Variants in NKX6-2 observed in about 807,000 individuals in gnomAD.
NKX6-2 encodes homeobox protein Nkx-6.2.
A neutral mutation model predicts 19.9 loss-of-function variants in NKX6-2; 22 were observed. That is an observed-to-expected ratio of 1.10 (90% CI 0.79 to 1.58). NKX6-2 has a LOEUF of 1.58. Ranked by LOEUF, NKX6-2 falls within the 40% of genes most tolerant of loss-of-function variation. The probability of loss-of-function intolerance (pLI) is 0.00; values close to 1 mark genes in which losing one functional copy is unlikely to be tolerated. For synonymous variants in NKX6-2, 257 were observed against 204.0 expected, an observed-to-expected ratio of 1.26 and a Z score of -2.21; for missense variants, 475 against 410.6, an observed-to-expected ratio of 1.16 and a Z score of -1.35.
chr10:132,785,111 C>G lies in NKX6-2; in HGVS notation c.639G>C (p.Ser213=). The change falls in exon 3 of 3, where the codon TCG becomes TCC. Residue 213 remains serine (S), a synonymous_variant. Transcript: ENST00000368592. The surrounding 1 kb of genome is among the most constrained non-coding windows in gnomAD (Gnocchi z 5.5). ...CGTCCGAGTCCTGCTTCTTCTTGGC[C>G]GACGCCATCTCCACCGCGTGCCGCT... The part of the protein sequence containing the change: ...WRKRHAVEMA[S]AKKKQDSDAE... 6.2e-7 allele frequency: 1 copy of G among 1,611,920 alleles called. No individual in the cohort carries two copies. Among genetic ancestry groups the G allele is most frequent in the Non-Finnish European group, 8.5e-7 (1 of 1,179,280 alleles).
rs888062238 is a variant in NKX6-2, at chr10:132,784,952, GA to G, written c.797del (p.Val266AlafsTer41). On this transcript the variant is annotated frameshift_variant, in exon 3 of 3. Coordinates refer to ENST00000368592, the MANE Select transcript of NKX6-2 (RefSeq NM_177400.3). LOFTEE classifies it high-confidence loss of function. ...CCCCCGCGCCGCCGCCGCACGGGCT[GA>G]CCAGCGCCAAGTTCGAGGGTTTGTG... ...KKHKPSNLAL[V>X]SPCGGGAGDA... The G allele has an allele frequency of 6.2e-7, 1 of 1,612,526 alleles. No homozygotes were observed. Among genetic ancestry groups the G allele is most frequent in the African/African-American group, 1.3e-5 (1 of 74,932 alleles).
Position 132,785,048 on chromosome 10 carries a change from G to A in NKX6-2, c.702C>T (p.Asp234=), listed in dbSNP as rs764780626. 7 of 1,608,704 alleles carry A rather than the reference G, an allele frequency of 4.4e-6. No individual in the cohort carries two copies. The East Asian group carries it at 6.7e-5, about 15-fold the overall frequency. Residue 234 remains aspartate, a synonymous_variant, in exon 3 of 3, where the codon GAC becomes GAT. Coordinates refer to ENST00000368592, the MANE Select transcript of NKX6-2 (RefSeq NM_177400.3). The surrounding 1 kb of genome is among the most constrained non-coding windows in gnomAD (Gnocchi z 5.5). Reference sequence around the variant, plus strand: ...CCAGGGGCCGGTTGTATTCGTCGTCGTCCTCCGCGTCCGAGCCGCCCACCT... The same window carrying A: ...CCAGGGGCCGGTTGTATTCGTCGTCATCCTCCGCGTCCGAGCCGCCCACCT... The part of the protein sequence containing the change: ...KLKVGGSDAE[D]DDEYNRPLDP...
chr10:132,783,927 T>C lies in NKX6-2; in HGVS notation c.*989A>G, dbSNP rs1847212958. On this transcript the variant is annotated 3_prime_UTR_variant, in exon 3 of 3. Transcript: ENST00000368592. ...GCCAAGAGAAATCGTACCACCGCAG[T>C]GATATCATTATTTACATTTAATTTT... 6.6e-6 allele frequency: 1 copy of C among 152,246 alleles called. No homozygotes were observed. 9.4% of individuals were successfully genotyped at this position (152,246 alleles called of 1,614,324 possible).
chr10:132,785,941 G>C lies in NKX6-2; in HGVS notation c.8C>G (p.Thr3Ser). 1 of 1,156,594 alleles carries C rather than the reference G, an allele frequency of 8.6e-7. No individual in the cohort carries two copies. Among genetic ancestry groups the C allele is most frequent in the Non-Finnish European group, 1.1e-6 (1 of 894,236 alleles). The allele number at this position is 1,156,594 out of a possible 1,614,324, so 71.6% of individuals were successfully genotyped here. A position where few individuals can be genotyped will look rare whatever the true frequency, so the allele number is the denominator to read the frequency against. ...CAGCACGAACGCGCCCGGGCGGTTA[G>C]TGTCCATGGGCGCCGCCGCCGCCGG... MD[T>S]NRPGAFVLSS... is the part of the protein sequence containing the mutation. Residue 3 changes from threonine to serine, a missense_variant, in exon 1 of 3, where the codon ACT becomes AGT. Physicochemically the swap from Thr to Ser is moderately conservative, Grantham distance 58. Transcript: ENST00000368592. This position sits in a 1 kb window ranked among gnomAD's most constrained non-coding sequence, Gnocchi z 5.5.
rs1319908753 is a variant in NKX6-2 at position 132,785,314 on chromosome 10, G to A, written c.545C>T (p.Ala182Val). 2 of 1,606,208 alleles carry A rather than the reference G, an allele frequency of 1.2e-6. No homozygotes were observed. Among genetic ancestry groups the A allele is most frequent in the Non-Finnish European group, 1.7e-6 (2 of 1,177,588 alleles). ...GCTCTCGGTCATGCCCAGCGAGTAGGCGAGACGCGCGCGCTCCGGGCCCGC... is the reference window on the plus strand; with the variant it reads ...GCTCTCGGTCATGCCCAGCGAGTAGACGAGACGCGCGCGCTCCGGGCCCGC... ...YLAGPERARL[A>V]YSLGMTESQV... Residue 182 changes from alanine (A) to valine (V), a missense_variant, in exon 2 of 3, where the codon GCC (alanine) becomes GTC (valine). By Grantham distance (64) the Ala-to-Val change is moderately conservative. Coordinates refer to ENST00000368592, the MANE Select transcript of NKX6-2 (RefSeq NM_177400.3). This position sits in a 1 kb window ranked among gnomAD's most constrained non-coding sequence, Gnocchi z 5.5.
At position 132,784,883 on chromosome 10, in the gene NKX6-2, G is replaced by GA; in HGVS notation, c.*32_*33insT. 1.3e-6 allele frequency: 2 copies of GA among 1,587,876 alleles called. No homozygotes were observed. Among genetic ancestry groups the GA allele is most frequent in the Non-Finnish European group, 1.7e-6 (2 of 1,161,296 alleles). ...CCACCCGGGGCCGCCCCCGGATTCT[G>GA]CAAAAATAGATTCGCCCCCACCCCG... On this transcript the variant is annotated 3_prime_UTR_variant, in exon 3 of 3. Coordinates refer to ENST00000368592, the MANE Select transcript of NKX6-2 (RefSeq NM_177400.3).
Position 132,785,382 on chromosome 10 carries a change from C to T in NKX6-2, c.477G>A (p.Gln159=), listed in dbSNP as rs375223053. ...KHSRPTFSGQ[Q]IFALEKTFEQ... ...CGAAGGTTTTCTCCAGCGCGAAGAT[C>T]TGCTGGCCCGAGAAGGTCGGGCGCG... Residue 159 remains glutamine (Q), a synonymous_variant, in exon 2 of 3, where the codon CAG becomes CAA. Transcript: ENST00000368592. The surrounding 1 kb of genome is among the most constrained non-coding windows in gnomAD (Gnocchi z 5.5). 1 of 1,604,876 alleles carries T rather than the reference C, an allele frequency of 6.2e-7. No individual in the cohort carries two copies. The highest frequency in any genetic ancestry group is 1.4e-5 in the African/African-American group (1 of 73,312).
In NKX6-2 at chr10:132,785,107, T is replaced by C; in HGVS notation, c.643A>G (p.Lys215Glu). The C allele has an allele frequency of 1.9e-6, 3 of 1,611,996 alleles. No homozygotes were observed. Among genetic ancestry groups the C allele is most frequent in the Admixed American group, 1.7e-5 (1 of 60,008 alleles). ...TCGGCGTCCGAGTCCTGCTTCTTCT[T>C]GGCCGACGCCATCTCCACCGCGTGC... is the stretch of plus-strand genomic sequence containing the variant. Reference protein sequence around the residue: ...KRHAVEMASAKKKQDSDAEKL... With the variant: ...KRHAVEMASAEKKQDSDAEKL... Residue 215 changes from lysine to glutamate, a missense_variant, in exon 3 of 3, where the codon AAG becomes GAG. Coordinates refer to ENST00000368592, the MANE Select transcript of NKX6-2 (RefSeq NM_177400.3). This position sits in a 1 kb window ranked among gnomAD's most constrained non-coding sequence, Gnocchi z 5.5.
chr10:132,785,558 G>T lies in NKX6-2; in HGVS notation c.391C>A (p.Arg131Ser). The change falls in exon 1 of 3, where the codon CGT becomes AGT. Residue 131 changes from arginine (R) to serine (S), a missense_variant. Coordinates refer to ENST00000368592, the MANE Select transcript of NKX6-2 (RefSeq NM_177400.3). This position sits in a 1 kb window ranked among gnomAD's most constrained non-coding sequence, Gnocchi z 5.5. ...VVQGAPWRDP[R>S]LAGPAPAGGV... is the part of the protein sequence containing the mutation. ...GGCCACTCACCCGGGCCAGCCAGAC[G>T]CGGGTCCCTCCAGGGCGCGCCCTGC... 7.4e-7 allele frequency: 1 copy of T among 1,356,884 alleles called. No individual in the cohort carries two copies. The highest frequency in any genetic ancestry group is 2.8e-4 in the Middle Eastern group (1 of 3,624). 84.1% of individuals were successfully genotyped at this position (1,356,884 alleles called of 1,614,324 possible). A position where few individuals can be genotyped will look rare whatever the true frequency, so the allele number is the denominator to read the frequency against.
In NKX6-2 at chr10:132,785,799, C is replaced by T. The variant is rs778783634; in HGVS notation, c.150G>A (p.Ala50=). 58 of 1,352,912 alleles carry T rather than the reference C, an allele frequency of 4.3e-5. 2 individuals are homozygous for T. The South Asian group carries it at 1.0e-3, about 24-fold the overall frequency. The allele number at this position is 1,352,912 out of a possible 1,614,324, so 83.8% of individuals were successfully genotyped here. The change falls in exon 1 of 3, where the codon GCG becomes GCA. Residue 50 remains alanine (A), a synonymous_variant. Coordinates refer to ENST00000368592, the MANE Select transcript of NKX6-2 (RefSeq NM_177400.3). The surrounding 1 kb of genome is among the most constrained non-coding windows in gnomAD (Gnocchi z 5.5). ...CGTGCGGGGTCCCGAGCGGGAGCTGCGCGCCCAGGCCCCCCAGCGCGGGCG... is the reference window on the plus strand; with the variant it reads ...CGTGCGGGGTCCCGAGCGGGAGCTGTGCGCCCAGGCCCCCCAGCGCGGGCG... ...FKAPALGGLG[A]QLPLGTPHGI...
In NKX6-2 at chr10:132,786,127, G is replaced by C. The variant is rs1265161809; in HGVS notation, c.-179C>G. Reference sequence around the variant, plus strand: ...CGGGCGGGCGGGCGGCGGCGGCGGCGGCTCCGGGGCCGGTCGGAGCGGCGC... The same window carrying C: ...CGGGCGGGCGGGCGGCGGCGGCGGCCGCTCCGGGGCCGGTCGGAGCGGCGC... On this transcript the variant is annotated 5_prime_UTR_variant, in exon 1 of 3. Transcript: ENST00000368592. 1.4e-5 allele frequency: 2 copies of C among 145,420 alleles called. No homozygotes were observed. The highest frequency in any genetic ancestry group is 3.1e-5 in the Non-Finnish European group (2 of 65,536). The allele number at this position is 145,420 out of a possible 1,614,324, so 9.0% of individuals were successfully genotyped here. A position where few individuals can be genotyped will look rare whatever the true frequency, so the allele number is the denominator to read the frequency against.
In NKX6-2 at chr10:132,785,436, G is replaced by T. The variant is rs777423037; in HGVS notation, c.423C>A (p.Val141=). The T allele has an allele frequency of 1.3e-6, 2 of 1,587,784 alleles. No homozygotes were observed. Among genetic ancestry groups the T allele is most frequent in the South Asian group, 2.3e-5 (2 of 88,044 alleles). Residue 141 remains valine, a synonymous_variant, in exon 2 of 3, where the codon GTC becomes GTA. Coordinates refer to ENST00000368592, the MANE Select transcript of NKX6-2 (RefSeq NM_177400.3). The surrounding 1 kb of genome is among the most constrained non-coding windows in gnomAD (Gnocchi z 5.5). ...RLAGPAPAGG[V]LDKDGKKKHS... ...GCTTCTTCTTCCCGTCCTTGTCCAG[G>T]ACGCCGCCGGCCGGGGCTGCAAGGG... is the stretch of plus-strand genomic sequence containing the variant.
In NKX6-2 at chr10:132,784,792, C is replaced by G; in HGVS notation, c.*124G>C. ...AGACGGAAGAAACACGCGGCGCAGG[C>G]TCCGGAGCGACGGCTCCGACGGGGA... On this transcript the variant is annotated 3_prime_UTR_variant, in exon 3 of 3. Coordinates refer to ENST00000368592, the MANE Select transcript of NKX6-2 (RefSeq NM_177400.3). 1 of 749,504 alleles carries G rather than the reference C, an allele frequency of 1.3e-6. No homozygotes were observed. The highest frequency in any genetic ancestry group is 2.1e-6 in the Non-Finnish European group (1 of 466,242). The allele number at this position is 749,504 out of a possible 1,614,324, so 46.4% of individuals were successfully genotyped here.
rs1403692211 is a variant in NKX6-2, at chr10:132,784,642, T to G, written c.*274A>C. Reference sequence around the variant, plus strand: ...CTTCCCGCGGGCCGGGCCCCTTCCCTGCGCCTTCGCCGCCTCCTCGCGCCT... The same window carrying G: ...CTTCCCGCGGGCCGGGCCCCTTCCCGGCGCCTTCGCCGCCTCCTCGCGCCT... On this transcript the variant is annotated 3_prime_UTR_variant, in exon 3 of 3. Transcript: ENST00000368592. 2.4e-6 allele frequency: 1 copy of G among 423,280 alleles called. No individual in the cohort carries two copies. Among genetic ancestry groups the G allele is most frequent in the Non-Finnish European group, 4.1e-6 (1 of 241,590 alleles). 26.2% of individuals were successfully genotyped at this position (423,280 alleles called of 1,614,324 possible). A position where few individuals can be genotyped will look rare whatever the true frequency, so the allele number is the denominator to read the frequency against.
Position 132,785,713 on chromosome 10 carries a change from AG to A in NKX6-2, c.235del (p.Leu79CysfsTer109), listed in dbSNP as rs1847256223. On this transcript the variant is annotated frameshift_variant, in exon 1 of 3. Coordinates refer to ENST00000368592, the MANE Select transcript of NKX6-2 (RefSeq NM_177400.3). LOFTEE classifies it high-confidence loss of function. This position sits in a 1 kb window ranked among gnomAD's most constrained non-coding sequence, Gnocchi z 5.5. ...CGACGCGAGCCCGTTGAGCCGGGGC[AG>A]CCCCCCCAGGAGGCCCCCGCCCGCC... ...GAAGGGLLGG[L>X]PRLNGLASSA... 1 of 1,238,420 alleles carries A rather than the reference AG, an allele frequency of 8.1e-7. No individual in the cohort carries two copies. Among genetic ancestry groups the A allele is most frequent in the Admixed American group, 4.3e-5 (1 of 23,040 alleles). 76.7% of individuals were successfully genotyped at this position (1,238,420 alleles called of 1,614,324 possible). A position where few individuals can be genotyped will look rare whatever the true frequency, so the allele number is the denominator to read the frequency against.
rs1321092352 is a variant in NKX6-2 at position 132,784,566 on chromosome 10, TGCTCCGTCCCCG to T, written c.*338_*349del. ...GCGAGGCGGGCCGGGCCGTACCTGC[TGCTCCGTCCCCG>T]GCTCCGTCCCGGGCTCCTGGCGGCT... is the stretch of plus-strand genomic sequence containing the variant. On this transcript the variant is annotated 3_prime_UTR_variant, in exon 3 of 3. Coordinates refer to ENST00000368592, the MANE Select transcript of NKX6-2 (RefSeq NM_177400.3). The T allele has an allele frequency of 6.0e-5, 14 of 233,892 alleles. No homozygotes were observed. Among genetic ancestry groups the T allele is most frequent in the East Asian group, 2.1e-4 (2 of 9,356 alleles). 14.5% of individuals were successfully genotyped at this position (233,892 alleles called of 1,614,324 possible).
chr10:132,785,305 A>G lies in NKX6-2; in HGVS notation c.554T>C (p.Leu185Pro). 6.2e-7 allele frequency: 1 copy of G among 1,606,228 alleles called. No individual in the cohort carries two copies. Among genetic ancestry groups the G allele is most frequent in the Non-Finnish European group, 8.5e-7 (1 of 1,177,572 alleles). ...CTTCACCTGGCTCTCGGTCATGCCC[A>G]GCGAGTAGGCGAGACGCGCGCGCTC... ...GPERARLAYS[L>P]GMTESQVKVW... The change falls in exon 2 of 3, where the codon CTG becomes CCG. Residue 185 changes from leucine to proline, a missense_variant. By Grantham distance (98) the Leu-to-Pro change is moderately conservative. Transcript: ENST00000368592. The surrounding 1 kb of genome is among the most constrained non-coding windows in gnomAD (Gnocchi z 5.5).
In NKX6-2 at chr10:132,785,392, G is replaced by C; in HGVS notation, c.467C>G (p.Ser156Trp). ...CTCCAGCGCGAAGATCTGCTGGCCC[G>C]AGAAGGTCGGGCGCGAGTGCTTCTT... The part of the protein sequence containing the change: ...GKKKHSRPTF[S>W]GQQIFALEKT... Residue 156 changes from serine (S) to tryptophan (W), a missense_variant, in exon 2 of 3, where the codon TCG becomes TGG. Transcript: ENST00000368592. This position sits in a 1 kb window ranked among gnomAD's most constrained non-coding sequence, Gnocchi z 5.5. 6.2e-7 allele frequency: 1 copy of C among 1,603,644 alleles called. No homozygotes were observed. Among genetic ancestry groups the C allele is most frequent in the Non-Finnish European group, 8.5e-7 (1 of 1,176,660 alleles).
chr10:132,784,669 C>T lies in NKX6-2; in HGVS notation c.*247G>A, dbSNP rs1847226737. On this transcript the variant is annotated 3_prime_UTR_variant, in exon 3 of 3. Transcript: ENST00000368592. ...CGCCTTCGCCGCCTCCTCGCGCCTG[C>T]CCGGGGCCCGCAGCCTCCGCACCGG... The T allele has an allele frequency of 2.0e-6, 1 of 490,660 alleles. No homozygotes were observed. The highest frequency in any genetic ancestry group is 3.7e-5 in the East Asian group (1 of 27,078). The allele number at this position is 490,660 out of a possible 1,614,324, so 30.4% of individuals were successfully genotyped here.
Sources: gnomAD v4.1 joint callset for allele counts on GRCh38, gnomAD v4.1.1 for gene constraint, Gnocchi (gnomAD v3.1) non-coding constraint, MANE v1.5 for transcripts, NCBI Gene and HGNC (gene_info 2026-07-23, HGNC 2026-07-21) for gene names.